The following COL4A3 variants were observed in gnomAD, a reference collection of about 807,000 sequenced individuals.
COL4A3 encodes the protein collagen alpha-3(IV) chain.
A neutral mutation model predicts 217.4 loss-of-function variants in COL4A3; 135 were observed. That is an observed-to-expected ratio of 0.62 (90% CI 0.54 to 0.72). The LOEUF (loss-of-function observed/expected upper bound fraction) is 0.72. Ranked by LOEUF, COL4A3 falls within the 30% of genes least tolerant of loss-of-function variation. The pLI, the probability that COL4A3 is intolerant of heterozygous loss-of-function variation, is 0.00. For synonymous variants in COL4A3, 690 were observed against 736.3 expected (o/e 0.94, Z 1.02); for missense variants, 1,868 against 2,119.9 (o/e 0.88, Z 2.33).
At chr2:227,233,776 T>G (rs2125868286) in intron 1 of COL4A3, among the ~76,000 whole-genome samples, 1 of 152,196 alleles carries the variant, frequency 6.6e-6, no homozygotes, top group South Asian at 2.1e-4. Context: ...CAGGGAGGAC[T>G]CACGGGAACA....
chr2:227,202,999 GTA>G (rs1350611248), intron 1 of COL4A3, among the ~76,000 whole-genome samples: 1 of 55,852 alleles, frequency 1.8e-5, no homozygotes, highest in Non-Finnish European at 3.3e-5. Context: ...GTATATATGT[GTA>G]TATATACATA....
chr2:227,174,759 G>A (rs915986154), intron 1 of COL4A3, among the ~76,000 whole-genome samples: 1 of 152,098 alleles, frequency 6.6e-6, no homozygotes, highest in African/African-American at 2.4e-5. Flanking sequence ...CGCTCACCTT[G>A]GCCTCCCAAA....
At chr2:227,297,583 A>T in intron 41 of COL4A3, 91 bp from the exon 42 acceptor site, 2 of 1,220,212 alleles carry the variant, frequency 1.6e-6, no homozygotes, top group Non-Finnish European at 2.3e-6. Context: ...GAACACTTTT[A>T]AGCAAAGTAC....
rs775823265 is a variant in COL4A3, at chr2:227,309,232, G to A, written c.4669G>A (p.Ala1557Thr). Reference protein sequence around the residue: ...RCTVCEGPAIAIAVHSQTTDI... With the variant: ...RCTVCEGPAITIAVHSQTTDI... ...CACTGTTTGTGAAGGTCCTGCGATC[G>A]CCATAGCCGTTCACAGCCAAACCAC... The change falls in exon 50 of 52, where the codon GCC becomes ACC. Residue 1557 changes from alanine to threonine, a missense_variant. Ala to Thr is a moderately conservative substitution (Grantham distance 58, BLOSUM62 0). Coordinates refer to ENST00000396578, the MANE Select transcript of COL4A3 (RefSeq NM_000091.5). The A allele has an allele frequency of 1.4e-5, 22 of 1,614,066 alleles. No homozygotes were observed. Among genetic ancestry groups the A allele is most frequent in the Admixed American group, 3.3e-5 (2 of 59,998 alleles).
intron 7 of COL4A3, among the ~76,000 whole-genome samples, chr2:227,247,211 C>A (rs1363987027): frequency 6.6e-6 from 1 of 152,180 alleles, no homozygotes; most frequent in Non-Finnish European, 1.5e-5. Context: ...GATGCTGCTG[C>A]AAAGTCCAGT....
intron 34 of COL4A3, 145 bp downstream of exon 34, chr2:227,284,490 G>C: frequency 2.2e-6 from 2 of 893,598 alleles, no homozygotes. Flanking sequence ...GTTGGTGGCT[G>C]AGCAGGCCTT....
chr2:227,226,175 A>T (rs2068080268), intron 1 of COL4A3, among the ~76,000 whole-genome samples: 1 of 152,148 alleles, frequency 6.6e-6, no homozygotes, highest in African/African-American at 2.4e-5. Context: ...GAAAAATATA[A>T]CTAAGACAGC....
intron 34 of COL4A3, among the ~76,000 whole-genome samples, chr2:227,287,625 C>T (rs2072416916): frequency 6.6e-6 from 1 of 152,172 alleles, no homozygotes; most frequent in South Asian, 2.1e-4. Context: ...AACAATCTAA[C>T]TCCCTGATAC....
At chr2:227,184,240 C>A (rs953734397) in intron 1 of COL4A3, among the ~76,000 whole-genome samples, 2 of 152,168 alleles carry the variant, frequency 1.3e-5, no homozygotes, top group African/African-American at 4.8e-5. Flanking sequence ...CATGGGTGAA[C>A]CCTGGCTAGG....
chr2:227,219,012 T>C (rs1420400026), intron 1 of COL4A3, among the ~76,000 whole-genome samples: 4 of 151,938 alleles, frequency 2.6e-5, no homozygotes, highest in Non-Finnish European at 5.9e-5. Flanking sequence ...CTTTTTTTTT[T>C]TAGACAGAGT....
At chr2:227,230,237 T>A (rs2068327882) in intron 1 of COL4A3, among the ~76,000 whole-genome samples, 1 of 152,156 alleles carries the variant, frequency 6.6e-6, no homozygotes, top group Admixed American at 6.5e-5. Context: ...AGTAAGGCCG[T>A]AAAACAGAAA....
rs762912391 is a variant in COL4A3, at chr2:227,240,172, T to C, written c.174T>C (p.Gly58=). The part of the protein sequence containing the change: ...KGEKGFPGPP[G]SPGQKGFTGP... ...AGAAGGGCTTTCCTGGACCCCCCGG[T>C]TCTCCTGGCCAGAAAGGATTCACAG... The change falls in exon 3 of 52, where the codon GGT becomes GGC. Residue 58 remains glycine, a synonymous_variant. Coordinates refer to ENST00000396578, the MANE Select transcript of COL4A3 (RefSeq NM_000091.5). The C allele has an allele frequency of 6.2e-6, 10 of 1,611,506 alleles. No individual in the cohort carries two copies. In the South Asian group the frequency reaches 1.1e-4, roughly 18 times the overall value.
At position 227,253,205 on chromosome 2, in the gene COL4A3, G is replaced by A; in HGVS notation, c.646-91G>A. On this transcript the variant is annotated intron_variant, in intron 11 of 51. Coordinates refer to ENST00000396578, the MANE Select transcript of COL4A3 (RefSeq NM_000091.5). The surrounding 1 kb of genome is among the most constrained non-coding windows in gnomAD (Gnocchi z 4.4). ...CTAAAATGAAAGTTAAAATATAAAT[G>A]CTCCCTTACAAATATTGGAACTTTG... 1 of 1,003,044 alleles carries A rather than the reference G, an allele frequency of 1.0e-6. No individual in the cohort carries two copies. The highest frequency in any genetic ancestry group is 1.6e-6 in the Non-Finnish European group (1 of 643,922). 62.1% of individuals were successfully genotyped at this position (1,003,044 alleles called of 1,614,324 possible).
Position 227,283,844 on chromosome 2 carries a change from C to T in COL4A3, c.2734C>T (p.Pro912Ser), listed in dbSNP as rs774264149. 1.2e-6 allele frequency: 2 copies of T among 1,613,442 alleles called. No homozygotes were observed. Among genetic ancestry groups the T allele is most frequent in the Admixed American group, 3.3e-5 (2 of 60,024 alleles). Reference protein sequence around the residue: ...PPGPPGNPGTPGQRGSPGIPG... With the variant: ...PPGPPGNPGTSGQRGSPGIPG... The stretch of plus-strand genomic sequence containing the variant: ...AGGGCCCCCTGGGAACCCAGGCACA[C>T]CAGGGCAGAGGGGTAAGTGATAGAG... The change falls in exon 33 of 52, where the codon CCA (proline) becomes TCA (serine). Residue 912 changes from proline to serine, a missense_variant. Physicochemically the swap from Pro to Ser is moderately conservative, Grantham distance 74 (BLOSUM62 -1). Transcript: ENST00000396578.
At chr2:227,180,449 G>A (rs1461151704) in intron 1 of COL4A3, among the ~76,000 whole-genome samples, 1 of 152,194 alleles carries the variant, frequency 6.6e-6, no homozygotes, top group African/African-American at 2.4e-5. Context: ...TTCAGAGACG[G>A]AACATTCAGA....
intron 35 of COL4A3, 97 bp from the exon 36 acceptor site, chr2:227,289,902 T>G: frequency 8.3e-7 from 1 of 1,204,716 alleles, no homozygotes; most frequent in Admixed American, 1.9e-5. Flanking sequence ...GGTCTGGCTG[T>G]TCTGCATTCA....
Position 227,297,854 on chromosome 2 carries a change from G to A in COL4A3, c.3746G>A (p.Ser1249Asn). Residue 1249 changes from serine to asparagine, a missense_variant, in exon 42 of 52, where the codon AGC (serine) becomes AAC (asparagine). This residue lies in a region of COL4A3 where 1,503 missense variants were observed against 1,786.1 expected (regional missense o/e 0.84). Transcript: ENST00000396578. ...CGTGGTCCACCAGGCTCAAGAGGAA[G>A]CCCAGGTAAAGGGTTTACTTTTAAA... ...GNRGPPGSRGSPGAPGPPGPP... is the reference protein window; with the variant it reads ...GNRGPPGSRGNPGAPGPPGPP... 6.4e-7 allele frequency: 1 copy of A among 1,557,114 alleles called. No individual in the cohort carries two copies.
chr2:227,261,026 G>T, intron 19 of COL4A3, 56 bp from the exon 20 acceptor site: 4 of 1,433,298 alleles, frequency 2.8e-6, no homozygotes, highest in South Asian at 1.1e-5. Flanking sequence ...TTCCAAAAGT[G>T]GATGGGACAG....
chr2:227,262,700 T>C (rs2070663756), intron 20 of COL4A3, among the ~76,000 whole-genome samples: 1 of 152,218 alleles, frequency 6.6e-6, no homozygotes, highest in South Asian at 2.1e-4. Flanking sequence ...ATTCCATTAT[T>C]GGTGCATAAA....
Sources: gnomAD v4.1 joint callset for allele counts (sites outside exome capture counted in the v4.1 genomes callset) on GRCh38, gnomAD v4.1.1 for gene constraint, gnomAD v4.1.1 regional missense constraint, Gnocchi (gnomAD v3.1) non-coding constraint, MANE v1.5 for transcripts, NCBI Gene and HGNC (gene_info 2026-07-23, HGNC 2026-07-21) for gene names.